PIAS2: variants seen among roughly 807,000 people sequenced by gnomAD.
PIAS2 encodes the protein protein inhibitor of activated STAT 2, also known as E3 SUMO-protein ligase PIAS2.
Under a neutral mutation model 69.7 loss-of-function variants are expected in PIAS2, and 19 were observed. That is an observed-to-expected ratio of 0.27 (90% CI 0.19 to 0.40). PIAS2 has a LOEUF of 0.40. Among genes scored for constraint, PIAS2 ranks in the 10% least tolerant of loss-of-function variants. PIAS2 has a pLI of 1.00. For missense variants in PIAS2, 624 were observed against 757.0 expected (o/e 0.82, Z 2.06); for synonymous variants, 261 against 263.2 (o/e 0.99, Z 0.08).
chr18:46,899,627 C>T (rs984978916), intron 1 of PIAS2, among the ~76,000 whole-genome samples: 2 of 152,162 alleles, frequency 1.3e-5, no homozygotes, highest in African/African-American at 4.8e-5. Flanking sequence ...ACCACCATGC[C>T]TGCTAATCTT....
At chr18:46,862,110 C>G (rs2048747225) in intron 3 of PIAS2, among the ~76,000 whole-genome samples, 1 of 152,104 alleles carries the variant, frequency 6.6e-6, no homozygotes, top group Non-Finnish European at 1.5e-5. Flanking sequence ...ACAGGTGGAT[C>G]ACTTGAGGCC....
chr18:46,883,266 A>C (rs879708076), intron 2 of PIAS2, among the ~76,000 whole-genome samples: 5 of 152,182 alleles, frequency 3.3e-5, no homozygotes, highest in Non-Finnish European at 7.3e-5. Context: ...TTGTAATCTG[A>C]AAAGAACAAT....
At chr18:46,861,275 GA>G (rs1389278881) in intron 3 of PIAS2, among the ~76,000 whole-genome samples, 1 of 151,946 alleles carries the variant, frequency 6.6e-6, no homozygotes, top group African/African-American at 2.4e-5. Flanking sequence ...ATGAAAGAAA[GA>G]AAAGAAAAGG....
At chr18:46,917,141 G>A (rs1568944127) in intron 1 of PIAS2, 181 bp downstream of exon 1, 1 of 1,022,426 alleles carries the variant, frequency 9.8e-7, no homozygotes, top group Non-Finnish European at 1.2e-6. Flanking sequence ...CCGCCCGCGT[G>A]CCCTCCGCCG....
At chr18:46,859,885 C>T (rs911270443) in intron 3 of PIAS2, among the ~76,000 whole-genome samples, 9 of 152,094 alleles carry the variant, frequency 5.9e-5, no homozygotes, top group African/African-American at 2.2e-4. Flanking sequence ...AAGAGAATCC[C>T]AGATTGATCC....
chr18:46,876,919 C>T (rs1472164788), intron 2 of PIAS2, among the ~76,000 whole-genome samples: 9 of 152,106 alleles, frequency 5.9e-5, no homozygotes, highest in African/African-American at 1.7e-4. Context: ...CCAGGATGGT[C>T]TCGATCTCCT....
chr18:46,881,180 C>T (rs1326508369), intron 2 of PIAS2, among the ~76,000 whole-genome samples: 1 of 152,098 alleles, frequency 6.6e-6, no homozygotes, highest in East Asian at 1.9e-4. Flanking sequence ...CTTTCAACCC[C>T]CTTCCTCTGC....
intron 2 of PIAS2, among the ~76,000 whole-genome samples, chr18:46,879,069 G>A (rs1010261605): frequency 1.3e-5 from 2 of 152,138 alleles, no homozygotes; most frequent in African/African-American, 4.8e-5. Context: ...TAATTACTCT[G>A]CATTTTCTAA....
chr18:46,816,896 A>G (rs1352520968), intron 12 of PIAS2: 7 of 940,218 alleles, frequency 7.4e-6, no homozygotes, highest in Non-Finnish European at 8.9e-6. Flanking sequence ...AATAGGTGAG[A>G]TATCTCAATA....
intron 9 of PIAS2, among the ~76,000 whole-genome samples, chr18:46,832,317 A>C (rs192113401): frequency 6.6e-6 from 1 of 152,132 alleles, no homozygotes; most frequent in East Asian, 1.9e-4. Context: ...TGGGAGGCTG[A>C]GGCAGGAGAA....
intron 9 of PIAS2, among the ~76,000 whole-genome samples, chr18:46,831,211 T>C (rs374848279): frequency 6.6e-6 from 1 of 152,298 alleles, no homozygotes. Context: ...CATATGTTGA[T>C]ATGACAGCAA....
chr18:46,808,858 C>T lies in PIAS2; in HGVS notation c.*3575G>A, dbSNP rs1156874289. ...TTTTTTTTTTTAAACCAACTGAAGG[C>T]CAGAGAAATGAAAGGCATACCCGTG... On this transcript the variant is annotated 3_prime_UTR_variant, in exon 14 of 14. Transcript: ENST00000585916. 1 of 138,518 alleles carries T rather than the reference C, an allele frequency of 7.2e-6. No individual in the cohort carries two copies. The highest frequency in any genetic ancestry group is 1.5e-5 in the Non-Finnish European group (1 of 65,520). The allele number at this position is 138,518 out of a possible 1,614,324, so 8.6% of individuals were successfully genotyped here.
chr18:46,815,256 G>C, intron 13 of PIAS2, 56 bp downstream of exon 13: 2 of 1,441,554 alleles, frequency 1.4e-6, no homozygotes, highest in Admixed American at 1.7e-5. Flanking sequence ...TTTTTAGTTA[G>C]TATGACATAA....
intron 12 of PIAS2, chr18:46,816,713 C>T: frequency 1.3e-6 from 1 of 757,598 alleles, no homozygotes; most frequent in Non-Finnish European, 1.6e-6. Context: ...AGTGATCCTC[C>T]CGCCTCAGCC....
intron 2 of PIAS2, among the ~76,000 whole-genome samples, chr18:46,869,475 A>C (rs1291165823): frequency 6.6e-6 from 1 of 152,182 alleles, no homozygotes; most frequent in Non-Finnish European, 1.5e-5. Context: ...GAAATCTCTA[A>C]TATAAGGAGG....
intron 1 of PIAS2, among the ~76,000 whole-genome samples, chr18:46,902,425 T>G (rs757675538): frequency 2.6e-5 from 4 of 151,834 alleles, no homozygotes; most frequent in Non-Finnish European, 2.9e-5. Context: ...CCATGCATGG[T>G]GGCACATGCC....
intron 12 of PIAS2, chr18:46,816,471 A>ATTT: frequency 1.2e-6 from 1 of 802,058 alleles, no homozygotes. Flanking sequence ...GTTGCTACAG[A>ATTT]TTTTTTTTTT....
chr18:46,861,777 CTG>C (rs1030056226), intron 3 of PIAS2, among the ~76,000 whole-genome samples: 3 of 152,092 alleles, frequency 2.0e-5, no homozygotes, highest in African/African-American at 7.2e-5. Flanking sequence ...AACTAAGAAA[CTG>C]TAACAGATTG....
intron 2 of PIAS2, among the ~76,000 whole-genome samples, chr18:46,870,476 C>T (rs1277912632): frequency 2.0e-5 from 3 of 151,828 alleles, no homozygotes; most frequent in East Asian, 3.9e-4. Flanking sequence ...ATTAGCCAGA[C>T]GTGGTGACGG....
Sources: gnomAD v4.1 joint callset for allele counts (sites outside exome capture counted in the v4.1 genomes callset) on GRCh38, gnomAD v4.1.1 for gene constraint, MANE v1.5 for transcripts, NCBI Gene and HGNC (gene_info 2026-07-23, HGNC 2026-07-21) for gene names.